AKAP6: variants seen among roughly 807,000 people sequenced by gnomAD.
The protein encoded by AKAP6 is A-kinase anchor protein 6.
A neutral mutation model predicts 188.5 loss-of-function variants in AKAP6; 58 were observed. That is an observed-to-expected ratio of 0.31 (90% CI 0.25 to 0.38). The LOEUF (loss-of-function observed/expected upper bound fraction) is 0.38. AKAP6 is among the 10% of genes least tolerant of loss of function. The pLI, the probability that AKAP6 is intolerant of heterozygous loss-of-function variation, is 1.00. For missense variants in AKAP6, 2,710 were observed against 2,740.0 expected (o/e 0.99, Z 0.24); for synonymous variants, 989 against 998.6 (o/e 0.99, Z 0.18).
At chr14:32,579,112 A>G (rs192975646) in intron 5 of AKAP6, among the ~76,000 whole-genome samples, 26 of 152,290 alleles carry the variant, frequency 1.7e-4, no homozygotes, top group African/African-American at 3.4e-4. Context: ...TTAAATTGCC[A>G]CATGTGGCTA....
At chr14:32,724,892 A>G (rs1403741955) in intron 9 of AKAP6, among the ~76,000 whole-genome samples, 5 of 147,894 alleles carry the variant, frequency 3.4e-5, no homozygotes, top group Non-Finnish European at 5.9e-5. Context: ...TCCTAAACCA[A>G]TAGATCCGTG....
At chr14:32,675,372 T>G (rs1415961856) in intron 7 of AKAP6, among the ~76,000 whole-genome samples, 1 of 152,228 alleles carries the variant, frequency 6.6e-6, no homozygotes, top group African/African-American at 2.4e-5. Context: ...TTAATCATGC[T>G]AAGTTTCCAT....
intron 12 of AKAP6, among the ~76,000 whole-genome samples, chr14:32,785,110 A>G (rs986337173): frequency 2.6e-5 from 4 of 152,110 alleles, no homozygotes; most frequent in Non-Finnish European, 5.9e-5. Context: ...AGAGAACACC[A>G]TTTGGAAATA....
intron 4 of AKAP6, among the ~76,000 whole-genome samples, chr14:32,563,492 G>T (rs191572269): frequency 2.6e-5 from 4 of 152,182 alleles, no homozygotes; most frequent in Admixed American, 2.0e-4. Context: ...TAGTACTGTG[G>T]GGGGGGAAGG....
intron 2 of AKAP6, among the ~76,000 whole-genome samples, chr14:32,525,208 C>T (rs142939040): frequency 2.4e-4 from 36 of 152,298 alleles, no homozygotes; most frequent in African/African-American, 8.7e-4. Context: ...AAAACAATTT[C>T]TCCAGTGTAC....
intron 2 of AKAP6, among the ~76,000 whole-genome samples, chr14:32,516,256 T>C (rs1881517884): frequency 6.6e-6 from 1 of 152,234 alleles, no homozygotes; most frequent in Non-Finnish European, 1.5e-5. Context: ...GGCTTTTCCC[T>C]CTTTGGAGGA....
rs1025379581 is a variant in AKAP6, at chr14:32,832,072, T to A, written c.*2267T>A. 2 of 152,084 alleles carry A rather than the reference T, an allele frequency of 1.3e-5. No homozygotes were observed. Among genetic ancestry groups the A allele is most frequent in the Non-Finnish European group, 2.9e-5 (2 of 68,014 alleles). The allele number at this position is 152,084 out of a possible 1,614,324, so 9.4% of individuals were successfully genotyped here. Reference sequence around the variant, plus strand: ...GGATAAATTATTCTAGGCTTCTTAATAGGTAGTAATTTGTTCAAAAGCGGT... The same window carrying A: ...GGATAAATTATTCTAGGCTTCTTAAAAGGTAGTAATTTGTTCAAAAGCGGT... On this transcript the variant is annotated 3_prime_UTR_variant, in exon 14 of 14. Transcript: ENST00000280979.
At chr14:32,511,675 C>A (rs1358449910) in intron 2 of AKAP6, among the ~76,000 whole-genome samples, 2 of 152,142 alleles carry the variant, frequency 1.3e-5, no homozygotes, top group Non-Finnish European at 2.9e-5. Context: ...CTATTGATAA[C>A]CCCTTTATAT....
chr14:32,489,256 C>T (rs61982985), intron 2 of AKAP6, among the ~76,000 whole-genome samples: 5,844 of 152,258 alleles, frequency 0.038, 149 homozygotes, highest in South Asian at 0.078. Flanking sequence ...GTCGCCCAGG[C>T]TGTGTACAGT....
At chr14:32,364,175 AG>A (rs1226517283) in intron 1 of AKAP6, among the ~76,000 whole-genome samples, 2 of 152,236 alleles carry the variant, frequency 1.3e-5, no homozygotes, top group African/African-American at 4.8e-5. Flanking sequence ...AAAGCTGAGC[AG>A]GAAAACGAAG....
Position 32,599,423 on chromosome 14 carries a change from A to T in AKAP6, c.2483A>T (p.Asn828Ile). The change falls in exon 6 of 14, where the codon AAT becomes ATT. Residue 828 changes from asparagine to isoleucine, a missense_variant. Around this residue, in one of 2 missense-constraint regions of AKAP6, gnomAD observed 2,473 missense variants for 2,426.1 expected, o/e 1.02. Coordinates refer to ENST00000280979, the MANE Select transcript of AKAP6 (RefSeq NM_004274.5). Reference sequence around the variant, plus strand: ...TTTTCCTTGCAGAGTTTTAAGTTGAATGTAGACAGTCATTGTGCTCTCAAG... The same window carrying T: ...TTTTCCTTGCAGAGTTTTAAGTTGATTGTAGACAGTCATTGTGCTCTCAAG... ...YLETHLSFKL[N>I]VDSHCALKEA... is the part of the protein sequence containing the mutation. 1 of 1,612,746 alleles carries T rather than the reference A, an allele frequency of 6.2e-7. No homozygotes were observed. The highest frequency in any genetic ancestry group is 8.5e-7 in the Non-Finnish European group (1 of 1,179,186).
chr14:32,476,595 T>A (rs1957027), intron 2 of AKAP6, among the ~76,000 whole-genome samples: 41,546 of 152,162 alleles, frequency 0.27, 6,117 homozygotes, highest in Non-Finnish European at 0.32. Flanking sequence ...TTGTGTCAGA[T>A]AAAGATTAAA....
At chr14:32,643,219 A>G (rs763060571) in intron 7 of AKAP6, among the ~76,000 whole-genome samples, 2 of 152,148 alleles carry the variant, frequency 1.3e-5, no homozygotes, top group Admixed American at 6.5e-5. Context: ...ATCTACCAGG[A>G]TGGATATTAT....
At chr14:32,755,091 G>GC (rs2032281780) in intron 11 of AKAP6, among the ~76,000 whole-genome samples, 1 of 152,006 alleles carries the variant, frequency 6.6e-6, no homozygotes, top group Non-Finnish European at 1.5e-5. Context: ...TAAGCTTTTT[G>GC]CCCCCTTCTC....
intron 7 of AKAP6, among the ~76,000 whole-genome samples, chr14:32,637,961 G>T (rs894817706): frequency 6.6e-6 from 1 of 152,066 alleles, no homozygotes; most frequent in East Asian, 1.9e-4. Flanking sequence ...CAGGGCAAGT[G>T]CCATAATCTT....
chr14:32,548,093 C>CTTTT (rs71115082), intron 4 of AKAP6, among the ~76,000 whole-genome samples: 9 of 104,228 alleles, frequency 8.6e-5, no homozygotes, highest in East Asian at 2.7e-4. Context: ...CTCCCACATG[C>CTTTT]TTTTTTTTTT....
chr14:32,692,526 C>T (rs150608358), intron 8 of AKAP6, among the ~76,000 whole-genome samples: 118 of 152,194 alleles, frequency 7.8e-4, no homozygotes, highest in African/African-American at 2.6e-3. Context: ...ATAGTAAAAA[C>T]AAAATCTCAC....
intron 11 of AKAP6, among the ~76,000 whole-genome samples, chr14:32,749,611 A>G (rs1045644151): frequency 2.6e-5 from 4 of 152,220 alleles, no homozygotes; most frequent in African/African-American, 7.2e-5. Context: ...TAACGTGAAT[A>G]TATTTTTACT....
At chr14:32,440,524 G>A (rs1890538848) in intron 2 of AKAP6, among the ~76,000 whole-genome samples, 1 of 152,002 alleles carries the variant, frequency 6.6e-6, no homozygotes, top group East Asian at 1.9e-4. Flanking sequence ...TGGTCATGGT[G>A]TAAAAATGTA....
Sources: gnomAD v4.1 joint callset for allele counts (sites outside exome capture counted in the v4.1 genomes callset) on GRCh38, gnomAD v4.1.1 for gene constraint, gnomAD v4.1.1 regional missense constraint, MANE v1.5 for transcripts, NCBI Gene and HGNC (gene_info 2026-07-23, HGNC 2026-07-21) for gene names.